The following TOP1 variants were observed in gnomAD, a reference collection of about 807,000 sequenced individuals.
The protein encoded by TOP1 is DNA topoisomerase 1.
In TOP1, 10 loss-of-function variants were observed where a neutral mutation model predicts 111.1. That is an observed-to-expected ratio of 0.09 (90% confidence interval 0.06 to 0.15). The LOEUF is 0.15. TOP1 is among the 10% of genes least tolerant of loss of function. The pLI is 1.00. For synonymous variants in TOP1, 271 were observed against 302.9 expected, an observed-to-expected ratio of 0.89 and a Z score of 1.10; for missense variants, 474 against 926.7, an observed-to-expected ratio of 0.51 and a Z score of 6.34.
At chr20:41,044,758 A>G (rs773872642) in intron 2 of TOP1, among the ~76,000 whole-genome samples, 10 of 152,286 alleles carry the variant, frequency 6.6e-5, no homozygotes, top group Admixed American at 2.0e-4. Context: ...TATGGTAGCT[A>G]TTAGCCATAT....
intron 2 of TOP1, among the ~76,000 whole-genome samples, chr20:41,054,626 T>C (rs946783415): frequency 2.0e-4 from 31 of 152,242 alleles, no homozygotes; most frequent in African/African-American, 7.5e-4. Context: ...GGCACCCGTA[T>C]TAGTGCCCTT....
At chr20:41,086,383 T>G (rs2033849110) in intron 8 of TOP1, among the ~76,000 whole-genome samples, 1 of 152,182 alleles carries the variant, frequency 6.6e-6, no homozygotes, top group South Asian at 2.1e-4. Context: ...TTTTTAGAAA[T>G]AAAGTGATTG....
At position 41,028,965 on chromosome 20, in the gene TOP1, C is replaced by T. The variant is rs1405360999; in HGVS notation, c.-103C>T. 4 of 990,328 alleles carry T rather than the reference C, an allele frequency of 4.0e-6. No individual in the cohort carries two copies. Among genetic ancestry groups the T allele is most frequent in the Admixed American group, 2.1e-5 (1 of 47,668 alleles). The allele number at this position is 990,328 out of a possible 1,614,324, so 61.3% of individuals were successfully genotyped here. A position where few individuals can be genotyped will look rare whatever the true frequency, so the allele number is the denominator to read the frequency against. On this transcript the variant is annotated 5_prime_UTR_variant, in exon 1 of 21. Transcript: ENST00000361337. ...CAGTCACCGCCGCTTACCTGCGCCTCCTCGAGCCTCCGGAGTCCCCGTCCG... is the reference window on the plus strand; with the variant it reads ...CAGTCACCGCCGCTTACCTGCGCCTTCTCGAGCCTCCGGAGTCCCCGTCCG...
chr20:41,056,367 T>C (rs1295948730), intron 2 of TOP1, among the ~76,000 whole-genome samples: 3 of 152,186 alleles, frequency 2.0e-5, no homozygotes, highest in Admixed American at 1.3e-4. Flanking sequence ...TACTCAGAAA[T>C]TACAAATTTA....
rs1319859969 is a variant in TOP1 at position 41,034,052 on chromosome 20, A to G, written c.58+4597A>G. On this transcript the variant is annotated intron_variant, in intron 2 of 20. Transcript: ENST00000361337. This position sits in a 1 kb window ranked among gnomAD's most constrained non-coding sequence, Gnocchi z 4.0. Reference sequence around the variant, plus strand: ...GTGGAGGTGAGAGTCAGTTGAGTGAATTTTCTGTGTTGTATGGTTTAGATT... The same window carrying G: ...GTGGAGGTGAGAGTCAGTTGAGTGAGTTTTCTGTGTTGTATGGTTTAGATT... Among the ~76,000 whole-genome samples the G allele has an allele frequency of 1.1e-4, 17 of 152,102 alleles. No individual in the cohort carries two copies. Among genetic ancestry groups the G allele is most frequent in the Admixed American group, 1.1e-3 (17 of 15,270 alleles).
intron 13 of TOP1, among the ~76,000 whole-genome samples, chr20:41,105,433 T>C (rs1290319815): frequency 6.6e-6 from 1 of 152,226 alleles, no homozygotes; most frequent in East Asian, 1.9e-4. Context: ...ACACTTTTAA[T>C]TAATCCATTT....
At chr20:41,107,035 T>C (rs996790706) in intron 13 of TOP1, among the ~76,000 whole-genome samples, 1 of 152,192 alleles carries the variant, frequency 6.6e-6, no homozygotes, top group African/African-American at 2.4e-5. Context: ...TCTTGTCTTG[T>C]TGAAATACAC....
intron 18 of TOP1, among the ~76,000 whole-genome samples, chr20:41,119,470 TATAA>T (rs569692691): frequency 3.9e-5 from 6 of 152,266 alleles, no homozygotes; most frequent in South Asian, 2.1e-4. Flanking sequence ...TAAAAATAAA[TATAA>T]ATAAGTTCCA....
At chr20:41,088,036 T>C (rs1200234776) in intron 8 of TOP1, among the ~76,000 whole-genome samples, 1 of 152,198 alleles carries the variant, frequency 6.6e-6, no homozygotes, top group Non-Finnish European at 1.5e-5. Context: ...GTCAGCCCAG[T>C]CACATGAGCT....
At chr20:41,043,131 A>T (rs1446531965) in intron 2 of TOP1, among the ~76,000 whole-genome samples, 1 of 152,246 alleles carries the variant, frequency 6.6e-6, no homozygotes, top group Non-Finnish European at 1.5e-5. Context: ...AACTTGTTGG[A>T]CATGCAGATT....
rs2034452202 is a variant in TOP1 at position 41,123,555 on chromosome 20, A to G, written c.*258A>G. Reference sequence around the variant, plus strand: ...GTTTTGAATTTTGTTTTTATTTTCAAGAGGGCAAGTGGATGGGAATTTGTC... The same window carrying G: ...GTTTTGAATTTTGTTTTTATTTTCAGGAGGGCAAGTGGATGGGAATTTGTC... On this transcript the variant is annotated 3_prime_UTR_variant, in exon 21 of 21. Coordinates refer to ENST00000361337, the MANE Select transcript of TOP1 (RefSeq NM_003286.4). This position sits in a 1 kb window ranked among gnomAD's most constrained non-coding sequence, Gnocchi z 5.8. 3 of 378,960 alleles carry G rather than the reference A, an allele frequency of 7.9e-6. No individual in the cohort carries two copies. Among genetic ancestry groups the G allele is most frequent in the Non-Finnish European group, 1.4e-5 (3 of 210,478 alleles). The allele number at this position is 378,960 out of a possible 1,614,324, so 23.5% of individuals were successfully genotyped here.
rs2033107948 is a variant in TOP1, at chr20:41,030,651, T to A, written c.58+1196T>A. Among the ~76,000 whole-genome samples the A allele has an allele frequency of 6.6e-6, 1 of 152,246 alleles. No individual in the cohort carries two copies. Among genetic ancestry groups the A allele is most frequent in the Admixed American group, 6.5e-5 (1 of 15,274 alleles). ...GGAGAAGTTACCTTCTGTAGTGTGC[T>A]GGGAATTCCCACTGATTTTGATGGT... On this transcript the variant is annotated intron_variant, in intron 2 of 20. Coordinates refer to ENST00000361337, the MANE Select transcript of TOP1 (RefSeq NM_003286.4). This position sits in a 1 kb window ranked among gnomAD's most constrained non-coding sequence, Gnocchi z 4.1.
In TOP1 at chr20:41,029,316, C is replaced by A; in HGVS notation, c.34-115C>A. The A allele has an allele frequency of 2.0e-6, 2 of 1,003,832 alleles. No individual in the cohort carries two copies. Among genetic ancestry groups the A allele is most frequent in the East Asian group, 3.0e-5 (1 of 33,878 alleles). The allele number at this position is 1,003,832 out of a possible 1,614,324, so 62.2% of individuals were successfully genotyped here. On this transcript the variant is annotated intron_variant, in intron 1 of 20. Coordinates refer to ENST00000361337, the MANE Select transcript of TOP1 (RefSeq NM_003286.4). This position sits in a 1 kb window ranked among gnomAD's most constrained non-coding sequence, Gnocchi z 6.1. Reference sequence around the variant, plus strand: ...GGATGGCTGCCCTCTGTGGCCACCCCCGGGTCCCCGTCCTCCCCGGGGGCG... The same window carrying A: ...GGATGGCTGCCCTCTGTGGCCACCCACGGGTCCCCGTCCTCCCCGGGGGCG...
In TOP1 at chr20:41,034,588, C is replaced by T. The variant is rs900998773; in HGVS notation, c.58+5133C>T. 6.6e-6 allele frequency among the ~76,000 whole-genome samples: 1 copy of T among 151,860 alleles called. No individual in the cohort carries two copies. The highest frequency in any genetic ancestry group is 2.4e-5 in the African/African-American group (1 of 41,318). ...TTAGATATTGATGGTATTTTGGTGG[C>T]GTTATGAGAAATGGCTGATAGTTTG... is the stretch of plus-strand genomic sequence containing the variant. On this transcript the variant is annotated intron_variant, in intron 2 of 20. Transcript: ENST00000361337. This position sits in a 1 kb window ranked among gnomAD's most constrained non-coding sequence, Gnocchi z 4.0.
At chr20:41,068,491 C>A (rs1303854969) in intron 3 of TOP1, among the ~76,000 whole-genome samples, 2 of 152,106 alleles carry the variant, frequency 1.3e-5, no homozygotes, top group African/African-American at 4.8e-5. Context: ...CTGCAGCCTC[C>A]CTGGGCCCAA....
At chr20:41,064,120 T>C (rs1385557456) in intron 3 of TOP1, among the ~76,000 whole-genome samples, 1 of 152,236 alleles carries the variant, frequency 6.6e-6, no homozygotes, top group Non-Finnish European at 1.5e-5. Context: ...GTTTCAGTTT[T>C]CTGCGTATGG....
At chr20:41,117,312 G>C (rs909635273) in intron 17 of TOP1, among the ~76,000 whole-genome samples, 1 of 151,678 alleles carries the variant, frequency 6.6e-6, no homozygotes, top group African/African-American at 2.4e-5. Context: ...TCCAGCTTGG[G>C]TGACAGGGTG....
chr20:41,050,077 G>A (rs903402056), intron 2 of TOP1, among the ~76,000 whole-genome samples: 1 of 152,230 alleles, frequency 6.6e-6, no homozygotes, highest in African/African-American at 2.4e-5. Context: ...GAGTGCAATG[G>A]CACGATCTTG....
In TOP1 at chr20:41,035,575, C is replaced by T. The variant is rs980131912; in HGVS notation, c.58+6120C>T. ...TTTAACAGATCCCTGGGTATTCTGA[C>T]GTTTTCCTATATTTTAAGAACGAAA... is the stretch of plus-strand genomic sequence containing the variant. On this transcript the variant is annotated intron_variant, in intron 2 of 20. Transcript: ENST00000361337. Among the ~76,000 whole-genome samples, 7 of 152,254 alleles carry T rather than the reference C, an allele frequency of 4.6e-5. No individual in the cohort carries two copies. In the East Asian group the frequency reaches 7.7e-4, roughly 17 times the overall value.
Sources: allele counts gnomAD v4.1 joint callset (sites outside exome capture counted in the v4.1 genomes callset), GRCh38; gene constraint gnomAD v4.1.1; non-coding constraint Gnocchi (gnomAD v3.1); transcripts MANE v1.5; gene names NCBI Gene and HGNC (gene_info 2026-07-23, HGNC 2026-07-21).